The following MUC20 variants were observed in gnomAD, a reference collection of about 807,000 sequenced individuals.
The protein encoded by MUC20 is mucin-20.
A neutral mutation model predicts 23.8 loss-of-function variants in MUC20; 14 were observed. The ratio of observed to expected loss-of-function variants is 0.59; its 90% CI spans 0.39 to 0.92. The LOEUF (loss-of-function observed/expected upper bound fraction) is 0.92, where lower values mean the gene tolerates loss of function less well. Among genes scored for constraint, MUC20 ranks in the 40% least tolerant of loss-of-function variants. The probability of loss-of-function intolerance (pLI) is 0.00; values close to 1 mark genes in which losing one functional copy is unlikely to be tolerated. For synonymous variants in MUC20, 166 were observed against 279.3 expected, an observed-to-expected ratio of 0.59 and a Z score of 4.04; for missense variants, 375 against 668.8, an observed-to-expected ratio of 0.56 and a Z score of 4.85.
intron 3 of MUC20, among the ~76,000 whole-genome samples, chr3:195,731,010 T>C (rs1713333236): frequency 6.6e-6 from 1 of 152,226 alleles, no homozygotes; most frequent in Non-Finnish European, 1.5e-5. Flanking sequence ...TCTCCTAATG[T>C]GTGGTACAAA....
In MUC20 at chr3:195,733,368, C is replaced by T. The variant is rs1713600570; in HGVS notation, c.*150C>T. 1 of 1,476,330 alleles carries T rather than the reference C, an allele frequency of 6.8e-7. No homozygotes were observed. Among genetic ancestry groups the T allele is most frequent in the Non-Finnish European group, 9.0e-7 (1 of 1,112,772 alleles). 91.5% of individuals were successfully genotyped at this position (1,476,330 alleles called of 1,614,324 possible). ...AGGGCAGCATGTCCAAGCCCCTGACCCCAGATGTGGCAACAGGACCCTCGC... is the reference window on the plus strand; with the variant it reads ...AGGGCAGCATGTCCAAGCCCCTGACTCCAGATGTGGCAACAGGACCCTCGC... On this transcript the variant is annotated 3_prime_UTR_variant, in exon 4 of 4. Coordinates refer to ENST00000447234, the MANE Select transcript of MUC20 (RefSeq NM_001282506.2).
intron 2 of MUC20, among the ~76,000 whole-genome samples, chr3:195,727,198 G>A (rs1306676625): frequency 1.3e-5 from 2 of 152,228 alleles, no homozygotes; most frequent in Non-Finnish European, 2.9e-5. Flanking sequence ...TCAGGAGTTC[G>A]AGACCAGGCT....
At chr3:195,731,838 G>C (rs1394039536) in intron 3 of MUC20, among the ~76,000 whole-genome samples, 2 of 152,382 alleles carry the variant, frequency 1.3e-5, no homozygotes, top group East Asian at 3.9e-4. Context: ...GAGGCCAATC[G>C]TGACTCCCAC....
intron 1 of MUC20, among the ~76,000 whole-genome samples, chr3:195,723,189 C>A (rs1342509623): frequency 1.4e-4 from 21 of 150,330 alleles, no homozygotes; most frequent in Non-Finnish European, 5.9e-5. Context: ...GGCGGCACAG[C>A]GGGAGCTGCA....
At position 195,728,379 on chromosome 3, in the gene MUC20, G is replaced by A. The variant is rs147646386; in HGVS notation, c.1970-1269G>A. The stretch of plus-strand genomic sequence containing the variant: ...AAGAAACATGTGAGCAAAAGAATCT[G>A]TGTCATAATTAAGTTCAAGGGAAGA... On this transcript the variant is annotated intron_variant, in intron 2 of 3. Coordinates refer to ENST00000447234, the MANE Select transcript of MUC20 (RefSeq NM_001282506.2). Among the ~76,000 whole-genome samples the A allele has an allele frequency of 2.8e-3, 430 of 152,140 alleles. 1 individual carries two copies. Among genetic ancestry groups the A allele is most frequent in the South Asian group, 0.018 (86 of 4,804 alleles).
chr3:195,728,687 C>G (rs1292085864), intron 2 of MUC20, among the ~76,000 whole-genome samples: 1 of 152,068 alleles, frequency 6.6e-6, no homozygotes, highest in Non-Finnish European at 1.5e-5. Context: ...TTACGGGTGT[C>G]AGCCTGGGGG....
Position 195,729,643 on chromosome 3 carries a change from T to G in MUC20, c.1970-5T>G, listed in dbSNP as rs1185689171. ...GATTTTCATCTTACTGTTCTCCATTTGCAGGTGAAAATGGAGGTTTCCTCC... is the reference window on the plus strand; with the variant it reads ...GATTTTCATCTTACTGTTCTCCATTGGCAGGTGAAAATGGAGGTTTCCTCC... On this transcript the variant is annotated splice_region_variant and splice_polypyrimidine_tract_variant and intron_variant, in intron 2 of 3. Transcript: ENST00000447234. 6 of 1,572,850 alleles carry G rather than the reference T, an allele frequency of 3.8e-6. No homozygotes were observed. The highest frequency in any genetic ancestry group is 5.2e-6 in the Non-Finnish European group (6 of 1,157,618).
At chr3:195,730,733 G>T (rs1238112208) in intron 3 of MUC20, among the ~76,000 whole-genome samples, 1 of 152,204 alleles carries the variant, frequency 6.6e-6, no homozygotes, top group African/African-American at 2.4e-5. Flanking sequence ...AACCCAGTCA[G>T]GATCCCATAG....
chr3:195,731,420 A>C (rs1258674916), intron 3 of MUC20, among the ~76,000 whole-genome samples: 1 of 152,266 alleles, frequency 6.6e-6, no homozygotes, highest in African/African-American at 2.4e-5. Context: ...TGCAGGCGAA[A>C]GAAAACCTCT....
Position 195,729,411 on chromosome 3 carries a change from G to A in MUC20, c.1970-237G>A, listed in dbSNP as rs982726647. 6.1e-6 allele frequency: 3 copies of A among 491,184 alleles called. No homozygotes were observed. In the South Asian group the frequency reaches 7.2e-5, roughly 12 times the overall value. The allele number at this position is 491,184 out of a possible 1,614,324, so 30.4% of individuals were successfully genotyped here. A position where few individuals can be genotyped will look rare whatever the true frequency, so the allele number is the denominator to read the frequency against. ...AGATCACCACAACCTCCGCCTCCCA[G>A]GTTCAGGCGATTCTCCTGCCTCAGC... is the stretch of plus-strand genomic sequence containing the variant. On this transcript the variant is annotated intron_variant, in intron 2 of 3. Transcript: ENST00000447234.
chr3:195,722,240 G>C lies in MUC20; in HGVS notation c.76+1157G>C, dbSNP rs1396843903. On this transcript the variant is annotated intron_variant, in intron 1 of 3. Coordinates refer to ENST00000447234, the MANE Select transcript of MUC20 (RefSeq NM_001282506.2). The stretch of plus-strand genomic sequence containing the variant: ...CCACCCCCCACCTCCACTGCTTTAA[G>C]GGTGAGGCCACTGTGCTTCTGGGCA... 8.2e-6 allele frequency: 8 copies of C among 975,306 alleles called. No individual in the cohort carries two copies. In the Admixed American group the frequency reaches 1.8e-4, roughly 23 times the overall value. 60.4% of individuals were successfully genotyped at this position (975,306 alleles called of 1,614,324 possible). A position where few individuals can be genotyped will look rare whatever the true frequency, so the allele number is the denominator to read the frequency against.
chr3:195,732,918 G>T (rs549396781), intron 3 of MUC20, among the ~76,000 whole-genome samples: 1 of 152,230 alleles, frequency 6.6e-6, no homozygotes, highest in Non-Finnish European at 1.5e-5. Flanking sequence ...TATTCTATGC[G>T]ACTTTCATCC....
At position 195,726,556 on chromosome 3, in the gene MUC20, C is replaced by T. The variant is rs1427278752; in HGVS notation, c.1953C>T (p.Thr651=). 5.0e-6 allele frequency: 8 copies of T among 1,613,204 alleles called. No homozygotes were observed. The highest frequency in any genetic ancestry group is 6.8e-6 in the Non-Finnish European group (8 of 1,179,428). Residue 651 remains threonine (T), a synonymous_variant, in exon 2 of 4, where the codon ACC becomes ACT. Transcript: ENST00000447234. The part of the protein sequence containing the change: ...ATPTTARTRP[T]TDVSAGENGG... The stretch of plus-strand genomic sequence containing the variant: ...CCACGACTGCCCGGACGAGGCCGAC[C>T]ACAGACGTGAGTGCAGGTAAGTGGC...
intron 3 of MUC20, among the ~76,000 whole-genome samples, chr3:195,730,485 A>G (rs979149484): frequency 2.0e-5 from 3 of 151,312 alleles, no homozygotes; most frequent in African/African-American, 4.8e-5. Context: ...AGCTGGGACT[A>G]CAGGCGCCCG....
chr3:195,728,558 A>G (rs1712984073), intron 2 of MUC20, among the ~76,000 whole-genome samples: 1 of 152,250 alleles, frequency 6.6e-6, no homozygotes, highest in Non-Finnish European at 1.5e-5. Context: ...GAACAAATGT[A>G]CAATCGGGTT....
rs768949138 is a variant in MUC20 at position 195,729,662 on chromosome 3, TTCC to T, written c.1992_1994del (p.Leu665del). ...TCCATTTGCAGGTGAAAATGGAGGT[TTCC>T]TCCTCCTGCGGCTGAGTGTGGCTTC... On this transcript the variant is annotated inframe_deletion, in exon 3 of 4. Transcript: ENST00000447234. The T allele has an allele frequency of 4.4e-6, 7 of 1,585,554 alleles. No homozygotes were observed. In the African/African-American group the frequency reaches 6.7e-5, roughly 15 times the overall value.
chr3:195,726,040 G>C lies in MUC20; in HGVS notation c.1437G>C (p.Glu479Asp), dbSNP rs779386000. 6.2e-7 allele frequency: 1 copy of C among 1,613,988 alleles called. No homozygotes were observed. The highest frequency in any genetic ancestry group is 8.5e-7 in the Non-Finnish European group (1 of 1,179,872). ...TCACTGAGGTCACAGCCTCTGCCGA[G>C]ACCCTGTCCACAGCCGGCACCACAG... is the stretch of plus-strand genomic sequence containing the variant. ...PHITEVTASA[E>D]TLSTAGTTES... The change falls in exon 2 of 4, where the codon GAG (glutamate) becomes GAC (aspartate). Residue 479 changes from glutamate (E) to aspartate (D), a missense_variant. Physicochemically the swap from Glu to Asp is conservative, Grantham distance 45. This residue lies in a region of MUC20 where 343 missense variants were observed against 340.2 expected (regional missense o/e 1.01). Transcript: ENST00000447234.
intron 3 of MUC20, among the ~76,000 whole-genome samples, chr3:195,730,389 AGGCT>A (rs1371556303): frequency 6.6e-6 from 1 of 152,230 alleles, no homozygotes; most frequent in Non-Finnish European, 1.5e-5. Context: ...TCTGTCGCCC[AGGCT>A]GGAGTGCAGT....
At chr3:195,732,656 G>A (rs998234051) in intron 3 of MUC20, among the ~76,000 whole-genome samples, 15 of 152,252 alleles carry the variant, frequency 9.9e-5, no homozygotes, top group Admixed American at 6.5e-5. Context: ...CACCGCACCC[G>A]GCCGGGAAGC....
Sources: allele counts gnomAD v4.1 joint callset (sites outside exome capture counted in the v4.1 genomes callset), GRCh38; gene constraint gnomAD v4.1.1; regional missense constraint gnomAD v4.1.1; transcripts MANE v1.5; gene names NCBI Gene and HGNC (gene_info 2026-07-23, HGNC 2026-07-21).